The following VAT1L variants were observed in gnomAD, a reference collection of about 807,000 sequenced individuals.
VAT1L encodes putative NADPH-dependent quinone oxidoreductase VAT1L.
A neutral mutation model predicts 44.1 loss-of-function variants in VAT1L; 34 were observed. That is an observed-to-expected ratio of 0.77 (90% confidence interval 0.59 to 1.03). The LOEUF is 1.03. Ranked by LOEUF, VAT1L falls within the 50% of genes least tolerant of loss-of-function variation. VAT1L has a pLI of 0.00. For missense variants in VAT1L, 615 were observed against 538.8 expected (o/e 1.14, Z -1.40); for synonymous variants, 253 against 202.2 (o/e 1.25, Z -2.13).
intron 4 of VAT1L, among the ~76,000 whole-genome samples, chr16:77,865,079 T>G (rs1036903004): frequency 6.7e-6 from 1 of 148,892 alleles, no homozygotes; most frequent in Non-Finnish European, 1.5e-5. Flanking sequence ...GTTCACGCCA[T>G]TCTCCTGCCT....
chr16:77,843,199 A>G (rs2016724564), intron 3 of VAT1L, among the ~76,000 whole-genome samples: 1 of 152,060 alleles, frequency 6.6e-6, no homozygotes, highest in Non-Finnish European at 1.5e-5. Flanking sequence ...CCACTCAACT[A>G]TTGTGGGAGC....
chr16:77,918,461 C>A (rs1313640998), intron 7 of VAT1L, among the ~76,000 whole-genome samples: 1 of 152,058 alleles, frequency 6.6e-6, no homozygotes, highest in African/African-American at 2.4e-5. Flanking sequence ...TAATTCCACC[C>A]ACCATCATCC....
At chr16:77,940,537 G>T (rs1431971401) in intron 7 of VAT1L, among the ~76,000 whole-genome samples, 1 of 151,748 alleles carries the variant, frequency 6.6e-6, no homozygotes, top group Admixed American at 6.6e-5. Flanking sequence ...TAGAGATGGG[G>T]TTTCACCATG....
At chr16:77,930,195 A>G (rs995720473) in intron 7 of VAT1L, among the ~76,000 whole-genome samples, 1 of 152,018 alleles carries the variant, frequency 6.6e-6, no homozygotes, top group South Asian at 2.1e-4. Flanking sequence ...CCCCCAACAC[A>G]TATTCCTTAT....
intron 7 of VAT1L, among the ~76,000 whole-genome samples, chr16:77,902,795 C>A (rs952214886): frequency 6.7e-6 from 1 of 149,728 alleles, no homozygotes; most frequent in African/African-American, 2.5e-5. Flanking sequence ...ATGGTGAAAC[C>A]CCATCTCTAC....
Position 77,825,417 on chromosome 16 carries a change from C to G in VAT1L, c.535C>G (p.Arg179Gly). The G allele has an allele frequency of 6.2e-7, 1 of 1,609,034 alleles. No individual in the cohort carries two copies. ...GATGCTGTTTGAAGTTGCCAACCTC[C>G]GGGAAGGGATGTCTGTGCTCGTGCA... ...YVMLFEVANL[R>G]EGMSVLVHSA... Residue 179 changes from arginine (R) to glycine (G), a missense_variant, in exon 3 of 9, where the codon CGG (arginine) becomes GGG (glycine). Physicochemically the swap from Arg to Gly is moderately radical, Grantham distance 125. Transcript: ENST00000302536.
At chr16:77,975,225 T>G (rs1325467391) in intron 8 of VAT1L, among the ~76,000 whole-genome samples, 2 of 78,648 alleles carry the variant, frequency 2.5e-5, no homozygotes, top group African/African-American at 5.3e-5. Flanking sequence ...TTTTTTTTTT[T>G]TTTAAAGACA....
chr16:77,845,533 T>C (rs2016750103), intron 3 of VAT1L, among the ~76,000 whole-genome samples: 1 of 152,180 alleles, frequency 6.6e-6, no homozygotes, highest in African/African-American at 2.4e-5. Flanking sequence ...CTAAACTATA[T>C]GCACCCACAC....
chr16:77,864,155 G>A (rs1567491494), intron 4 of VAT1L, among the ~76,000 whole-genome samples: 1 of 152,198 alleles, frequency 6.6e-6, no homozygotes, highest in Admixed American at 6.5e-5. Flanking sequence ...ATTGCTCTGG[G>A]CCCCAGGCTT....
intron 7 of VAT1L, among the ~76,000 whole-genome samples, chr16:77,930,840 G>T (rs906006945): frequency 6.6e-6 from 1 of 152,166 alleles, no homozygotes; most frequent in African/African-American, 2.4e-5. Context: ...GTGGAGAAAA[G>T]CAGGCTGTTC....
chr16:77,791,435 A>T (rs946599149), intron 1 of VAT1L, among the ~76,000 whole-genome samples: 2 of 152,208 alleles, frequency 1.3e-5, no homozygotes, highest in Non-Finnish European at 2.9e-5. Flanking sequence ...AGAAATATCC[A>T]TTTTATATCA....
chr16:77,963,667 T>C (rs1376654476), intron 7 of VAT1L, among the ~76,000 whole-genome samples: 1 of 150,816 alleles, frequency 6.6e-6, no homozygotes, highest in African/African-American at 2.4e-5. Flanking sequence ...CTGGGGGAAC[T>C]GCCTGAAGTC....
rs1049477806 is a variant in VAT1L, at chr16:77,862,606, G to A, written c.580-142G>A. ...ACATTGCACTCCAGCCTGAGTGACA[G>A]AGTGAGACTCCATCTCTAAAAAAAA... On this transcript the variant is annotated intron_variant, in intron 3 of 8. Transcript: ENST00000302536. The A allele has an allele frequency of 4.6e-5, 38 of 829,140 alleles. No homozygotes were observed. The African/African-American group carries it at 6.8e-4, about 15-fold the overall frequency. The allele number at this position is 829,140 out of a possible 1,614,324, so 51.4% of individuals were successfully genotyped here.
At chr16:77,962,898 A>T (rs915965787) in intron 7 of VAT1L, among the ~76,000 whole-genome samples, 21 of 152,178 alleles carry the variant, frequency 1.4e-4, no homozygotes, top group African/African-American at 5.1e-4. Flanking sequence ...GTGGGTTGTG[A>T]TCATGCCACT....
intron 7 of VAT1L, among the ~76,000 whole-genome samples, chr16:77,908,464 C>CAAAAAAAAAA (rs11418351): frequency 2.5e-5 from 1 of 39,376 alleles, no homozygotes; most frequent in African/African-American, 1.1e-4. Flanking sequence ...GGTTCTGTCT[C>CAAAAAAAAAA]AAAAAAAAAA....
At chr16:77,966,974 C>T (rs1415110550) in intron 7 of VAT1L, among the ~76,000 whole-genome samples, 6 of 147,866 alleles carry the variant, frequency 4.1e-5, no homozygotes, top group Non-Finnish European at 8.9e-5. Flanking sequence ...CTCTGGTGGT[C>T]CCAACGGAGA....
intron 3 of VAT1L, among the ~76,000 whole-genome samples, chr16:77,835,064 C>G (rs1384462635): frequency 6.6e-6 from 1 of 152,026 alleles, no homozygotes; most frequent in Non-Finnish European, 1.5e-5. Flanking sequence ...ATTTCATTCC[C>G]CCAAACCTAT....
chr16:77,825,032 A>G (rs966584682), intron 2 of VAT1L, among the ~76,000 whole-genome samples: 10 of 151,522 alleles, frequency 6.6e-5, no homozygotes, highest in Non-Finnish European at 1.3e-4. Context: ...ACGCCTGGTG[A>G]ATTTTTGTAT....
At chr16:77,858,729 AC>A (rs1182751012) in intron 3 of VAT1L, among the ~76,000 whole-genome samples, 1 of 152,164 alleles carries the variant, frequency 6.6e-6, no homozygotes, top group East Asian at 1.9e-4. Context: ...GACGCTGGGC[AC>A]AGTGGCTCAT....
Sources: gnomAD v4.1 joint callset for allele counts (sites outside exome capture counted in the v4.1 genomes callset) on GRCh38, gnomAD v4.1.1 for gene constraint, MANE v1.5 for transcripts, NCBI Gene and HGNC (gene_info 2026-07-23, HGNC 2026-07-21) for gene names.